The following LPP variants were observed in gnomAD, a reference collection of about 807,000 sequenced individuals.
LPP encodes the protein lipoma-preferred partner.
Under a neutral mutation model 60.4 loss-of-function variants are expected in LPP, and 38 were observed. That is an observed-to-expected ratio of 0.63 (90% CI 0.49 to 0.83). The LOEUF is 0.83. Among genes scored for constraint, LPP ranks in the 40% least tolerant of loss-of-function variants. The probability of loss-of-function intolerance (pLI) is 0.00; values close to 1 mark genes in which losing one functional copy is unlikely to be tolerated. For synonymous variants in LPP, 328 were observed against 290.8 expected, an observed-to-expected ratio of 1.13 and a Z score of -1.30; for missense variants, 902 against 783.6, an observed-to-expected ratio of 1.15 and a Z score of -1.80.
At chr3:188,179,717 A>G in intron 1 of LPP, 1 of 350,228 alleles carries the variant, frequency 2.9e-6, no homozygotes, top group Non-Finnish European at 5.6e-6. Context: ...GTTGTGAGAA[A>G]TGGGCATCCT....
chr3:188,294,564 T>G (rs1009507724), intron 2 of LPP, among the ~76,000 whole-genome samples: 1 of 152,010 alleles, frequency 6.6e-6, no homozygotes, highest in Non-Finnish European at 1.5e-5. Context: ...TCCACCTAAC[T>G]TCATGCACGT....
At chr3:188,726,051 G>C (rs566634433) in intron 8 of LPP, among the ~76,000 whole-genome samples, 1 of 152,234 alleles carries the variant, frequency 6.6e-6, no homozygotes, top group East Asian at 1.9e-4. Context: ...TCTTACTAAA[G>C]AATCTAGAGT....
chr3:188,745,769 C>A (rs950990250), intron 8 of LPP, among the ~76,000 whole-genome samples: 1 of 152,164 alleles, frequency 6.6e-6, no homozygotes, highest in South Asian at 2.1e-4. Context: ...CCCCTTCGTT[C>A]TCCTTCCTCT....
chr3:188,306,327 G>C (rs978479346), intron 2 of LPP, among the ~76,000 whole-genome samples: 2 of 151,488 alleles, frequency 1.3e-5, no homozygotes, highest in African/African-American at 4.9e-5. Flanking sequence ...GACCTCAAAT[G>C]ATCCACCCAC....
chr3:188,756,439 GTACTATTCTCCTGGTTTCTCT>G (rs993037425), intron 8 of LPP, among the ~76,000 whole-genome samples: 4 of 152,078 alleles, frequency 2.6e-5, no homozygotes, highest in African/African-American at 9.7e-5. Flanking sequence ...TTGAAGTTTG[GTACTATTCTCCTGGTTTCTCT>G]TGTTTAAAAG....
intron 9 of LPP, among the ~76,000 whole-genome samples, chr3:188,798,129 A>G (rs1413272585): frequency 2.0e-5 from 3 of 152,174 alleles, no homozygotes; most frequent in Non-Finnish European, 4.4e-5. Flanking sequence ...TTTGCATGAC[A>G]TATAAAATAT....
At chr3:188,290,310 T>C (rs1325679454) in intron 2 of LPP, among the ~76,000 whole-genome samples, 4 of 152,090 alleles carry the variant, frequency 2.6e-5, no homozygotes, top group African/African-American at 9.7e-5. Context: ...TAGGGACAGA[T>C]GCCGAAGCCA....
rs151036592 is a variant in LPP at position 188,341,998 on chromosome 3, G to A, written c.-10+279G>A. Among the ~76,000 whole-genome samples, 689 of 152,228 alleles carry A rather than the reference G, an allele frequency of 4.5e-3. 3 individuals are homozygous for A. Among genetic ancestry groups the A allele is most frequent in the African/African-American group, 0.015 (630 of 41,544 alleles). On this transcript the variant is annotated intron_variant, in intron 3 of 11. Coordinates refer to ENST00000617246, the MANE Select transcript of LPP (RefSeq NM_001375462.1). Reference sequence around the variant, plus strand: ...AGATTTAATGTGTATGTATTTAAGTGTCCATAAAATGCAATGGAGTAGAAT... The same window carrying A: ...AGATTTAATGTGTATGTATTTAAGTATCCATAAAATGCAATGGAGTAGAAT...
rs567745766 is a variant in LPP at position 188,796,765 on chromosome 3, C to T, written c.1410+36483C>T. Among the ~76,000 whole-genome samples, 11 of 152,288 alleles carry T rather than the reference C, an allele frequency of 7.2e-5. No homozygotes were observed. In the South Asian group the frequency reaches 2.3e-3, roughly 32 times the overall value. On this transcript the variant is annotated intron_variant, in intron 9 of 11. Transcript: ENST00000617246. ...ACCATATTTCTTCTGCTAGCCAATT[C>T]CATCTTATCTACAACTTTTTGATAA... is the stretch of plus-strand genomic sequence containing the variant.
chr3:188,379,746 A>G (rs1776353317), intron 3 of LPP, among the ~76,000 whole-genome samples: 1 of 152,206 alleles, frequency 6.6e-6, no homozygotes, highest in Non-Finnish European at 1.5e-5. Context: ...TTCAAGATTC[A>G]TCTATGTTGC....
chr3:188,559,025 A>T (rs1041821381), intron 6 of LPP, among the ~76,000 whole-genome samples: 4 of 152,066 alleles, frequency 2.6e-5, no homozygotes, highest in Admixed American at 2.6e-4. Flanking sequence ...ATGGGTTCTA[A>T]TGCCTGCACT....
intron 6 of LPP, among the ~76,000 whole-genome samples, chr3:188,545,759 A>G (rs556284042): frequency 6.6e-6 from 1 of 152,262 alleles, no homozygotes; most frequent in African/African-American, 2.4e-5. Flanking sequence ...AGAGAAAGGT[A>G]GAAATGCCAG....
intron 3 of LPP, among the ~76,000 whole-genome samples, chr3:188,376,383 G>A (rs1291751980): frequency 2.6e-5 from 4 of 152,050 alleles, no homozygotes; most frequent in Non-Finnish European, 5.9e-5. Flanking sequence ...ATGAATCTGG[G>A]TGCTCCTATA....
chr3:188,261,800 C>T (rs1733753467), intron 2 of LPP, among the ~76,000 whole-genome samples: 1 of 151,980 alleles, frequency 6.6e-6, no homozygotes, highest in Non-Finnish European at 1.5e-5. Flanking sequence ...TGTAGTCCTA[C>T]CCACTCAGGA....
intron 4 of LPP, among the ~76,000 whole-genome samples, chr3:188,431,434 C>G (rs1009825476): frequency 6.6e-6 from 1 of 152,132 alleles, no homozygotes; most frequent in African/African-American, 2.4e-5. Flanking sequence ...GAGCACGAGA[C>G]AGAGTATAAA....
intron 2 of LPP, among the ~76,000 whole-genome samples, chr3:188,265,008 G>A (rs556401388): frequency 2.6e-5 from 4 of 152,180 alleles, no homozygotes; most frequent in Non-Finnish European, 4.4e-5. Context: ...TTCTGCTCGC[G>A]TCACCCTTCT....
At position 188,404,710 on chromosome 3, in the gene LPP, AT is replaced by A. The variant is rs369487338; in HGVS notation, c.-9-1399del. 1.9e-3 allele frequency among the ~76,000 whole-genome samples: 290 copies of A among 152,158 alleles called. 1 individual carries two copies. Among genetic ancestry groups the A allele is most frequent in the South Asian group, 8.7e-3 (42 of 4,814 alleles). ...ACTATGCCATGTACTGAGGCCTTTG[AT>A]TTCTGTGTTCTGATGCTCTTTGTCT... On this transcript the variant is annotated intron_variant, in intron 3 of 11. Coordinates refer to ENST00000617246, the MANE Select transcript of LPP (RefSeq NM_001375462.1).
intron 3 of LPP, among the ~76,000 whole-genome samples, chr3:188,386,512 G>C (rs1184809280): frequency 1.3e-5 from 2 of 152,164 alleles, no homozygotes; most frequent in African/African-American, 4.8e-5. Flanking sequence ...TATCCATTGT[G>C]TATGCAGGTA....
At chr3:188,733,304 T>C (rs1023145192) in intron 8 of LPP, among the ~76,000 whole-genome samples, 1 of 151,908 alleles carries the variant, frequency 6.6e-6, no homozygotes, top group Non-Finnish European at 1.5e-5. Flanking sequence ...TGTGTGTGTG[T>C]GTGTGTGTGT....
Sources: allele counts gnomAD v4.1 joint callset (sites outside exome capture counted in the v4.1 genomes callset), GRCh38; gene constraint gnomAD v4.1.1; transcripts MANE v1.5; gene names NCBI Gene and HGNC (gene_info 2026-07-23, HGNC 2026-07-21).